Variants in ABR observed in about 807,000 individuals in gnomAD.
ABR encodes the protein ABR activator of RhoGEF and GTPase.
Under a neutral mutation model 107.2 loss-of-function variants are expected in ABR, and 35 were observed. The observed-to-expected ratio is 0.33, with a 90% confidence interval of 0.25 to 0.43. The LOEUF (loss-of-function observed/expected upper bound fraction) is 0.43. ABR is among the 20% of genes least tolerant of loss of function. The pLI is 1.00. For synonymous variants in ABR, 498 were observed against 462.0 expected (o/e 1.08, Z -1.00); for missense variants, 815 against 1,115.2 (o/e 0.73, Z 3.83).
At chr17:1,048,296 C>T (rs560628043) in intron 16 of ABR, among the ~76,000 whole-genome samples, 40 of 152,342 alleles carry the variant, frequency 2.6e-4, no homozygotes, top group African/African-American at 6.7e-4. Flanking sequence ...GGGGCGTATG[C>T]GGCAGAGGCC....
chr17:1,020,514 C>A (rs939952594), intron 16 of ABR, among the ~76,000 whole-genome samples: 3 of 152,240 alleles, frequency 2.0e-5, no homozygotes, highest in African/African-American at 7.2e-5. Context: ...GGCGAAAACC[C>A]AGCAGGCAGG....
upstream of ABR, chr17:1,182,006 G>A (rs1029203420): frequency 2.0e-4 from 31 of 152,176 alleles, no homozygotes; most frequent in African/African-American, 7.5e-4. Flanking sequence ...CATCCTCCAA[G>A]CTAAAATGTG....
At chr17:1,048,999 G>A (rs1281400810) in intron 16 of ABR, among the ~76,000 whole-genome samples, 1 of 152,162 alleles carries the variant, frequency 6.6e-6, no homozygotes, top group Non-Finnish European at 1.5e-5. Context: ...GAGTGTGAGC[G>A]GCTCCACCAC....
At chr17:1,047,464 G>C (rs2376593) in intron 16 of ABR, among the ~76,000 whole-genome samples, 23,821 of 151,900 alleles carry the variant, frequency 0.16, 2,336 homozygotes, top group Admixed American at 0.25. Context: ...GCCCGCCCCT[G>C]GGGCATGCCT....
chr17:1,123,445 G>A (rs1043350450), intron 2 of ABR, among the ~76,000 whole-genome samples: 2 of 152,210 alleles, frequency 1.3e-5, no homozygotes, highest in Non-Finnish European at 2.9e-5. Context: ...GCGCCAGGCG[G>A]GGGCATCTGT....
chr17:1,018,224 A>T (rs543363062), intron 16 of ABR, among the ~76,000 whole-genome samples: 6 of 151,386 alleles, frequency 4.0e-5, no homozygotes, highest in Non-Finnish European at 8.8e-5. Context: ...TTGTATTTTT[A>T]GTAGAGACGG....
At chr17:1,019,232 C>T (rs998843280) in intron 16 of ABR, among the ~76,000 whole-genome samples, 2 of 152,192 alleles carry the variant, frequency 1.3e-5, no homozygotes, top group Non-Finnish European at 1.5e-5. Flanking sequence ...GTTCTCGCCC[C>T]GCCTCCTCCA....
At chr17:1,108,197 G>C (rs2038388825) in intron 2 of ABR, among the ~76,000 whole-genome samples, 1 of 152,264 alleles carries the variant, frequency 6.6e-6, no homozygotes, top group Non-Finnish European at 1.5e-5. Context: ...GTCCAGGAGA[G>C]AAAAAGGAAG....
chr17:1,028,930 C>A (rs927108303), intron 16 of ABR, among the ~76,000 whole-genome samples: 3 of 140,974 alleles, frequency 2.1e-5, no homozygotes, highest in African/African-American at 7.6e-5. Flanking sequence ...CAAGGGGATG[C>A]TGCGGGGGCA....
At chr17:1,088,391 T>C (rs745800661) in intron 4 of ABR, among the ~76,000 whole-genome samples, 72 of 151,666 alleles carry the variant, frequency 4.7e-4, no homozygotes, top group Non-Finnish European at 9.4e-4. Context: ...GGGGGGGGTA[T>C]GCTAGAACCA....
At chr17:1,168,279 G>A (rs529743210) in intron 1 of ABR, among the ~76,000 whole-genome samples, 131 of 152,218 alleles carry the variant, frequency 8.6e-4, no homozygotes, top group African/African-American at 3.0e-3. Flanking sequence ...CAGCCTGGGC[G>A]ACAAGAGCGA....
chr17:1,215,203 G>C (rs1158493049), intron 1 of ABR, among the ~76,000 whole-genome samples: 2 of 138,906 alleles, frequency 1.4e-5, no homozygotes, highest in African/African-American at 5.4e-5. Context: ...CTGGGTGACA[G>C]AGCAAGACTC....
chr17:1,034,801 G>A (rs888077844), intron 16 of ABR, among the ~76,000 whole-genome samples: 1 of 152,004 alleles, frequency 6.6e-6, no homozygotes, highest in Non-Finnish European at 1.5e-5. Flanking sequence ...CCCTTCCCTC[G>A]GGCTGGGTCC....
chr17:1,182,936 G>A (rs1003267215), upstream of ABR, among the ~76,000 whole-genome samples: 1 of 152,192 alleles, frequency 6.6e-6, no homozygotes, highest in East Asian at 1.9e-4. Flanking sequence ...TGGCCACAGA[G>A]ACAAGTGTGT....
intron 16 of ABR, among the ~76,000 whole-genome samples, chr17:1,021,121 A>T (rs2071589263): frequency 6.6e-6 from 1 of 152,106 alleles, no homozygotes; most frequent in South Asian, 2.1e-4. Flanking sequence ...GCCCTGCCCA[A>T]GGCAGGTGGG....
At chr17:1,077,634 C>T (rs763354762) in intron 6 of ABR, among the ~76,000 whole-genome samples, 4 of 152,170 alleles carry the variant, frequency 2.6e-5, no homozygotes, top group Admixed American at 6.5e-5. Context: ...CCAGCACAGC[C>T]GCCCCTGGGA....
At chr17:1,059,789 T>C (rs1299215728) in intron 10 of ABR, among the ~76,000 whole-genome samples, 1 of 152,240 alleles carries the variant, frequency 6.6e-6, no homozygotes, top group African/African-American at 2.4e-5. Flanking sequence ...TTCACCTCTA[T>C]GGTGTTTTGT....
At chr17:1,144,038 T>C (rs2040426878) in intron 1 of ABR, among the ~76,000 whole-genome samples, 1 of 152,014 alleles carries the variant, frequency 6.6e-6, no homozygotes, top group Non-Finnish European at 1.5e-5. Context: ...CTGAGTCTCA[T>C]CCAAGGCCAC....
chr17:1,031,966 G>C (rs370285663), intron 16 of ABR: 2 of 817,230 alleles, frequency 2.4e-6, no homozygotes, highest in East Asian at 4.0e-5. Context: ...CTGCAGCCCA[G>C]GCTGAGCGCC....
Sources: gnomAD v4.1 joint callset for allele counts (sites outside exome capture counted in the v4.1 genomes callset) on GRCh38, gnomAD v4.1.1 for gene constraint, MANE v1.5 for transcripts, NCBI Gene and HGNC (gene_info 2026-07-23, HGNC 2026-07-21) for gene names.